USP9X: variants seen among roughly 807,000 people sequenced by gnomAD.
The protein encoded by USP9X is ubiquitin carboxyl-terminal hydrolase 9X.
In USP9X, 7 loss-of-function variants were observed where a neutral mutation model predicts 190.3. The ratio of observed to expected loss-of-function variants is 0.04; its 90% confidence interval spans 0.02 to 0.07. The LOEUF is 0.07. Among genes scored for constraint, USP9X ranks in the 10% least tolerant of loss-of-function variants. The pLI, the probability that USP9X is intolerant of heterozygous loss-of-function variation, is 1.00. For synonymous variants in USP9X, 645 were observed against 659.5 expected (o/e 0.98, Z 0.34); for missense variants, 1,010 against 1,916.9 (o/e 0.53, Z 8.83).
Position 41,134,654 on chromosome X carries a change from T to G in USP9X, c.323-71T>G, listed in dbSNP as rs17145961. ...TTTCCAGTTATTTATTACCTTTTATTGTATATTGGACAATGTAAAAACAAC... is the reference window on the plus strand; with the variant it reads ...TTTCCAGTTATTTATTACCTTTTATGGTATATTGGACAATGTAAAAACAAC... On this transcript the variant is annotated intron_variant, in intron 4 of 44. Transcript: ENST00000378308. 98,817 of 856,637 alleles carry G rather than the reference T, an allele frequency of 0.12. 4,931 individuals are homozygous for G. The highest frequency in any genetic ancestry group is 0.26 in the Admixed American group (9,525 of 36,979). 70.6% of individuals were successfully genotyped at this position (856,637 alleles called of 1,213,427 possible).
chrX:41,202,042 T>A (rs2063047091), intron 31 of USP9X, among the ~76,000 whole-genome samples: 1 of 113,050 alleles, frequency 8.8e-6, no homozygotes, highest in South Asian at 3.6e-4. Context: ...TGGGGTTTGT[T>A]TGATGGTAAG....
chrX:41,208,954 C>T (rs953361768), intron 32 of USP9X, among the ~76,000 whole-genome samples: 34 of 110,923 alleles, frequency 3.1e-4, no homozygotes, highest in African/African-American at 9.8e-4. Flanking sequence ...GTGATCCACC[C>T]GGCTCGGCCT....
chrX:41,154,980 A>G (rs2062564252), intron 14 of USP9X, among the ~76,000 whole-genome samples: 1 of 111,910 alleles, frequency 8.9e-6, no homozygotes. Flanking sequence ...GGTAACATCC[A>G]CTAACATTTC....
intron 25 of USP9X, 119 bp downstream of exon 25, chrX:41,188,236 G>A: frequency 1.4e-6 from 1 of 739,543 alleles, no homozygotes; most frequent in East Asian, 3.6e-5. Flanking sequence ...CTTAATGGTT[G>A]AAAATTAATT....
At position 41,235,882 on chromosome X, in the gene USP9X, T is replaced by TA. The variant is rs2063395702; in HGVS notation, c.*3359dup. On this transcript the variant is annotated 3_prime_UTR_variant, in exon 45 of 45. Coordinates refer to ENST00000378308, the MANE Select transcript of USP9X (RefSeq NM_001039591.3). The stretch of plus-strand genomic sequence containing the variant: ...GAAAGATGAGGAGACTTTTTTGACT[T>TA]ACATTTGTAAATGAAAACAAGTCTG... 8.9e-6 allele frequency: 1 copy of TA among 112,279 alleles called. No homozygotes were observed. The highest frequency in any genetic ancestry group is 9.5e-5 in the Admixed American group (1 of 10,507). The allele number at this position is 112,279 out of a possible 1,213,427, so 9.3% of individuals were successfully genotyped here.
At chrX:41,202,701 C>G (rs915711048) in intron 31 of USP9X, among the ~76,000 whole-genome samples, 5 of 111,506 alleles carry the variant, frequency 4.5e-5, no homozygotes, top group Admixed American at 1.9e-4. Flanking sequence ...ATACCCATAC[C>G]TGATTAAAAA....
chrX:41,227,209 G>A (rs778285850), intron 41 of USP9X, among the ~76,000 whole-genome samples: 1 of 112,112 alleles, frequency 8.9e-6, no homozygotes, highest in Non-Finnish European at 1.9e-5. Context: ...TGTCTACCAT[G>A]TGCCCAGCAC....
At chrX:41,155,060 G>T (rs747672329) in intron 14 of USP9X, among the ~76,000 whole-genome samples, 1 of 111,892 alleles carries the variant, frequency 8.9e-6, no homozygotes, top group Admixed American at 9.4e-5. Flanking sequence ...AATCCCATTA[G>T]CTATGAGGCA....
At chrX:41,213,750 T>C (rs1024954451) in intron 33 of USP9X, among the ~76,000 whole-genome samples, 7 of 112,425 alleles carry the variant, frequency 6.2e-5, no homozygotes, top group Non-Finnish European at 1.3e-4. Flanking sequence ...CTCTATGGGC[T>C]GTTCCCTGAT....
chrX:41,141,314 C>T lies in USP9X; in HGVS notation c.1044C>T (p.Phe348=). ...MILRLLQISS[F]NGKMNALNEV... is the part of the protein sequence containing the mutation. Reference sequence around the variant, plus strand: ...ACAGATTATTGCAAATTTCTTCTTTCAATGGAAAGATGAATGCACTGAATG... The same window carrying T: ...ACAGATTATTGCAAATTTCTTCTTTTAATGGAAAGATGAATGCACTGAATG... The change falls in exon 9 of 45, where the codon TTC becomes TTT. Residue 348 remains phenylalanine, a synonymous_variant. Transcript: ENST00000378308. 8.3e-7 allele frequency: 1 copy of T among 1,202,904 alleles called. No homozygotes were observed. The highest frequency in any genetic ancestry group is 1.1e-6 in the Non-Finnish European group (1 of 892,404).
In USP9X at chrX:41,233,352, C is replaced by T. The variant is rs2063377606; in HGVS notation, c.*828C>T. 1 of 111,730 alleles carries T rather than the reference C, an allele frequency of 9.0e-6. No homozygotes were observed. The highest frequency in any genetic ancestry group is 3.2e-5 in the African/African-American group (1 of 30,783). The allele number at this position is 111,730 out of a possible 1,213,427, so 9.2% of individuals were successfully genotyped here. ...TCTATTTTCAGTTGCACATATGTTC[C>T]TTATATATAATGTTTGACAGTTCAA... On this transcript the variant is annotated 3_prime_UTR_variant, in exon 45 of 45. Transcript: ENST00000378308.
Position 41,197,351 on chromosome X carries a change from C to CCCCCCGGGGG in USP9X, c.4234-12_4234-11insCCCCGGGGGC. 1 of 939,365 alleles carries CCCCCCGGGGG rather than the reference C, an allele frequency of 1.1e-6. No individual in the cohort carries two copies. Among genetic ancestry groups the CCCCCCGGGGG allele is most frequent in the South Asian group, 4.1e-5 (1 of 24,177 alleles). 77.4% of individuals were successfully genotyped at this position (939,365 alleles called of 1,213,427 possible). A position where few individuals can be genotyped will look rare whatever the true frequency, so the allele number is the denominator to read the frequency against. On this transcript the variant is annotated splice_polypyrimidine_tract_variant and intron_variant, in intron 28 of 44. Transcript: ENST00000378308. Reference sequence around the variant, plus strand: ...TTTCTTCCCCCCCCCACCCCACCCCCCGCCTTTGGCAGGATGATGTTAAAA... The same window carrying CCCCCCGGGGG: ...TTTCTTCCCCCCCCCACCCCACCCCCCCCCCGGGGGCGCCTTTGGCAGGATGATGTTAAAA...
At chrX:41,168,646 C>T (rs1303320397) in intron 18 of USP9X, among the ~76,000 whole-genome samples, 1 of 112,022 alleles carries the variant, frequency 8.9e-6, no homozygotes, top group African/African-American at 3.2e-5. Flanking sequence ...GCACAGGCTA[C>T]CACACCTGGC....
Position 41,148,202 on chromosome X carries a change from T to C in USP9X, c.1420-167T>C, listed in dbSNP as rs752420323. 6.3e-5 allele frequency among the ~76,000 whole-genome samples: 7 copies of C among 111,868 alleles called. No homozygotes were observed. In the South Asian group the frequency reaches 2.6e-3, roughly 42 times the overall value. The stretch of plus-strand genomic sequence containing the variant: ...ATTTTTCTTTTTTGGAATTTAACTC[T>C]ACCCTATAAAAAAAATACCAGGCTA... On this transcript the variant is annotated intron_variant, in intron 11 of 44. Coordinates refer to ENST00000378308, the MANE Select transcript of USP9X (RefSeq NM_001039591.3).
intron 32 of USP9X, among the ~76,000 whole-genome samples, chrX:41,208,423 A>G (rs1340482036): frequency 8.9e-6 from 1 of 111,978 alleles, no homozygotes; most frequent in Non-Finnish European, 1.9e-5. Context: ...TCGCTGTGCT[A>G]GTGGAGCTCG....
intron 21 of USP9X, among the ~76,000 whole-genome samples, chrX:41,179,125 A>C (rs766535119): frequency 1.8e-4 from 20 of 111,835 alleles, no homozygotes; most frequent in Admixed American, 1.9e-4. Context: ...CTCTATAGTA[A>C]ATTTTGAAGT....
At chrX:41,110,598 G>A (rs2062102172) in intron 1 of USP9X, among the ~76,000 whole-genome samples, 1 of 111,745 alleles carries the variant, frequency 8.9e-6, no homozygotes, top group Admixed American at 9.5e-5. Flanking sequence ...AAATTGGGCT[G>A]ATAATAGGGT....
intron 26 of USP9X, among the ~76,000 whole-genome samples, chrX:41,193,170 T>G (rs773739918): frequency 1.6e-3 from 173 of 110,473 alleles, no homozygotes; most frequent in Non-Finnish European, 1.9e-3. Flanking sequence ...GGGAGTAAAG[T>G]CAGAGAGGAT....
In USP9X at chrX:41,118,306, T is replaced by G. The variant is rs138603154; in HGVS notation, c.-158-5165T>G. 8.7e-3 allele frequency among the ~76,000 whole-genome samples: 951 copies of G among 109,475 alleles called. 9 individuals carry two copies. The highest frequency in any genetic ancestry group is 0.029 in the African/African-American group (862 of 29,879). On this transcript the variant is annotated intron_variant, in intron 1 of 44. Coordinates refer to ENST00000378308, the MANE Select transcript of USP9X (RefSeq NM_001039591.3). ...AATAACTCCCCATCCCCCCAGCCCC[T>G]GGCAACCATCATTCTACTTTCTGTT...
Sources: allele counts gnomAD v4.1 joint callset (sites outside exome capture counted in the v4.1 genomes callset), GRCh38; gene constraint gnomAD v4.1.1; transcripts MANE v1.5; gene names NCBI Gene and HGNC (gene_info 2026-07-23, HGNC 2026-07-21).